PAPPA2: variants seen among roughly 807,000 people sequenced by gnomAD.
PAPPA2 encodes pappalysin-2.
In PAPPA2, 86 loss-of-function variants were observed where a neutral mutation model predicts 176.4. The ratio of observed to expected loss-of-function variants is 0.49; its 90% CI spans 0.41 to 0.58. The LOEUF (loss-of-function observed/expected upper bound fraction) is 0.58, where lower values mean the gene tolerates loss of function less well. Ranked by LOEUF, PAPPA2 falls within the 20% of genes least tolerant of loss-of-function variation. The probability of loss-of-function intolerance (pLI) is 0.00; values close to 1 mark genes in which losing one functional copy is unlikely to be tolerated. For missense variants in PAPPA2, 2,073 were observed against 2,256.9 expected, an observed-to-expected ratio of 0.92 and a Z score of 1.65; for synonymous variants, 809 against 852.2, an observed-to-expected ratio of 0.95 and a Z score of 0.88.
At chr1:176,692,776 A>C (rs567171458) in intron 6 of PAPPA2, among the ~76,000 whole-genome samples, 2 of 152,108 alleles carry the variant, frequency 1.3e-5, no homozygotes, top group Non-Finnish European at 2.9e-5. Flanking sequence ...GGCTTCCCTG[A>C]CTTACGTAGG....
chr1:176,585,703 A>T (rs887285237), intron 2 of PAPPA2, among the ~76,000 whole-genome samples: 14 of 151,556 alleles, frequency 9.2e-5, no homozygotes, highest in Middle Eastern at 3.4e-3. Flanking sequence ...TGTCTGCCTG[A>T]GTTATTCCAA....
At chr1:176,749,232 G>A (rs902501303) in intron 14 of PAPPA2, among the ~76,000 whole-genome samples, 11 of 152,142 alleles carry the variant, frequency 7.2e-5, no homozygotes. Context: ...TAATTTAAAT[G>A]TTTAAGTGGT....
intron 8 of PAPPA2, among the ~76,000 whole-genome samples, chr1:176,701,051 T>TACAC (rs374838543): frequency 0.013 from 1,915 of 148,324 alleles, 15 homozygotes; most frequent in Middle Eastern, 0.041. Context: ...CACACACACA[T>TACAC]ACACACACAC....
At chr1:176,753,473 CCTT>C (rs1202590161) in intron 14 of PAPPA2, among the ~76,000 whole-genome samples, 3 of 151,866 alleles carry the variant, frequency 2.0e-5, no homozygotes, top group East Asian at 1.9e-4. Context: ...ACCTTTCCAG[CCTT>C]CTTCTTCCTC....
At chr1:176,834,896 A>G (rs1191154517) in intron 21 of PAPPA2, among the ~76,000 whole-genome samples, 1 of 152,156 alleles carries the variant, frequency 6.6e-6, no homozygotes, top group East Asian at 1.9e-4. Context: ...GCTTGAACCT[A>G]AGAGACGGAG....
intron 1 of PAPPA2, among the ~76,000 whole-genome samples, chr1:176,519,199 C>T (rs1348355403): frequency 6.6e-6 from 1 of 152,164 alleles, no homozygotes; most frequent in East Asian, 1.9e-4. Flanking sequence ...TAATCCTGCT[C>T]TTTATCAGCC....
chr1:176,684,486 A>G (rs1659739401), intron 4 of PAPPA2, among the ~76,000 whole-genome samples: 1 of 152,112 alleles, frequency 6.6e-6, no homozygotes, highest in African/African-American at 2.4e-5. Context: ...TCAATGTGTC[A>G]GGCAAGAGCA....
At chr1:176,503,549 T>C (rs1421327897) in intron 1 of PAPPA2, among the ~76,000 whole-genome samples, 4 of 152,148 alleles carry the variant, frequency 2.6e-5, no homozygotes, top group Non-Finnish European at 5.9e-5. Flanking sequence ...TTAATTAGAA[T>C]CATAAAAAAA....
chr1:176,533,476 G>T (rs192419975), intron 1 of PAPPA2, among the ~76,000 whole-genome samples: 1 of 152,180 alleles, frequency 6.6e-6, no homozygotes, highest in Non-Finnish European at 1.5e-5. Context: ...TAAGTGTTTT[G>T]TTTCTTCAGA....
intron 3 of PAPPA2, among the ~76,000 whole-genome samples, chr1:176,616,119 G>A (rs1263800177): frequency 6.6e-6 from 1 of 152,158 alleles, no homozygotes; most frequent in African/African-American, 2.4e-5. Context: ...TGCCAAATCT[G>A]TCTAGCTTGC....
chr1:176,475,243 G>A (rs769307971), intron 1 of PAPPA2, among the ~76,000 whole-genome samples: 1 of 152,168 alleles, frequency 6.6e-6, no homozygotes, highest in Non-Finnish European at 1.5e-5. Flanking sequence ...CTCCTGGCTG[G>A]CACAGAGTAG....
chr1:176,745,037 C>A (rs989275148), intron 14 of PAPPA2, among the ~76,000 whole-genome samples: 1 of 152,168 alleles, frequency 6.6e-6, no homozygotes, highest in African/African-American at 2.4e-5. Flanking sequence ...TCACAGTATT[C>A]CCCATCTTTA....
At chr1:176,488,843 G>A (rs1234790292) in intron 1 of PAPPA2, among the ~76,000 whole-genome samples, 1 of 152,080 alleles carries the variant, frequency 6.6e-6, no homozygotes, top group Non-Finnish European at 1.5e-5. Context: ...AGAATCTTGG[G>A]TGCATTGTGT....
chr1:176,477,549 A>T (rs1652189744), intron 1 of PAPPA2, among the ~76,000 whole-genome samples: 1 of 152,152 alleles, frequency 6.6e-6, no homozygotes, highest in Admixed American at 6.5e-5. Flanking sequence ...GATCGAGATC[A>T]TCCTGGCCAA....
At chr1:176,825,300 T>C (rs1666814118) in intron 21 of PAPPA2, among the ~76,000 whole-genome samples, 1 of 152,158 alleles carries the variant, frequency 6.6e-6, no homozygotes, top group South Asian at 2.1e-4. Flanking sequence ...TATAGGTACC[T>C]ACCTCTACTA....
rs1667525245 is a variant in PAPPA2 at position 176,842,491 on chromosome 1, G to A, written c.*37G>A. 2.5e-6 allele frequency: 4 copies of A among 1,586,976 alleles called. No homozygotes were observed. The highest frequency in any genetic ancestry group is 1.3e-5 in the African/African-American group (1 of 74,156). On this transcript the variant is annotated 3_prime_UTR_variant, in exon 23 of 23. Coordinates refer to ENST00000367662, the MANE Select transcript of PAPPA2 (RefSeq NM_020318.3). Reference sequence around the variant, plus strand: ...AGCCCCTCCCTCCACTGCCTCAGAGGCAGTAAGAAAGAGAGGCCGACCCAG... The same window carrying A: ...AGCCCCTCCCTCCACTGCCTCAGAGACAGTAAGAAAGAGAGGCCGACCCAG...
At chr1:176,564,545 T>C (rs1012200099) in intron 2 of PAPPA2, among the ~76,000 whole-genome samples, 7 of 152,230 alleles carry the variant, frequency 4.6e-5, no homozygotes, top group Admixed American at 3.3e-4. Context: ...CTTTGCTTTC[T>C]AGTTTCACGC....
At chr1:176,728,651 C>G (rs1040050164) in intron 12 of PAPPA2, among the ~76,000 whole-genome samples, 2 of 151,800 alleles carry the variant, frequency 1.3e-5, no homozygotes, top group African/African-American at 4.8e-5. Context: ...AAGAATTATA[C>G]AGTTGATTTT....
At chr1:176,833,797 A>T (rs1296288736) in intron 21 of PAPPA2, among the ~76,000 whole-genome samples, 1 of 152,028 alleles carries the variant, frequency 6.6e-6, no homozygotes, top group African/African-American at 2.4e-5. Flanking sequence ...TATTATATAC[A>T]TACACATGAC....
Sources: allele counts gnomAD v4.1 joint callset (sites outside exome capture counted in the v4.1 genomes callset), GRCh38; gene constraint gnomAD v4.1.1; transcripts MANE v1.5; gene names NCBI Gene and HGNC (gene_info 2026-07-23, HGNC 2026-07-21).